PBX3: variants seen among roughly 807,000 people sequenced by gnomAD.
The protein encoded by PBX3 is PBX homeobox 3.
A neutral mutation model predicts 48.5 loss-of-function variants in PBX3; 14 were observed. The ratio of observed to expected loss-of-function variants is 0.29; its 90% confidence interval spans 0.19 to 0.45. PBX3 has a LOEUF of 0.45. PBX3 is among the 20% of genes least tolerant of loss of function. The pLI, the probability that PBX3 is intolerant of heterozygous loss-of-function variation, is 1.00. For synonymous variants in PBX3, 210 were observed against 200.3 expected, an observed-to-expected ratio of 1.05 and a Z score of -0.41; for missense variants, 386 against 546.7, an observed-to-expected ratio of 0.71 and a Z score of 2.93.
At chr9:125,882,455 T>C (rs1840404430) in intron 2 of PBX3, among the ~76,000 whole-genome samples, 1 of 152,236 alleles carries the variant, frequency 6.6e-6, no homozygotes, top group African/African-American at 2.4e-5. Flanking sequence ...TCTGGTTTTG[T>C]AGTTTCAGCT....
chr9:125,962,010 T>G lies in PBX3; in HGVS notation c.1010-92T>G, dbSNP rs1842439582. The G allele has an allele frequency of 6.1e-6, 4 of 658,968 alleles. No individual in the cohort carries two copies. The African/African-American group carries it at 7.2e-5, about 12-fold the overall frequency. 40.8% of individuals were successfully genotyped at this position (658,968 alleles called of 1,614,324 possible). A position where few individuals can be genotyped will look rare whatever the true frequency, so the allele number is the denominator to read the frequency against. On this transcript the variant is annotated intron_variant, in intron 6 of 8. Coordinates refer to ENST00000373489, the MANE Select transcript of PBX3 (RefSeq NM_006195.6). The stretch of plus-strand genomic sequence containing the variant: ...TTTATGTTGTGCACAGCCTTTCCCT[T>G]CTGTACTTTTTCTCATCTCCCTGCC...
intron 2 of PBX3, among the ~76,000 whole-genome samples, chr9:125,775,460 G>A (rs1837048018): frequency 6.6e-6 from 1 of 152,182 alleles, no homozygotes; most frequent in Admixed American, 6.5e-5. Context: ...TCTTTTGGAT[G>A]TAGATATTCA....
At chr9:125,904,286 G>A (rs374512542) in intron 2 of PBX3, among the ~76,000 whole-genome samples, 37 of 151,658 alleles carry the variant, frequency 2.4e-4, no homozygotes, top group African/African-American at 4.4e-4. Context: ...TTTTCCATTC[G>A]TCTAACCTTG....
chr9:125,818,285 CTTAAG>C (rs1453140582), intron 2 of PBX3, among the ~76,000 whole-genome samples: 6 of 151,082 alleles, frequency 4.0e-5, no homozygotes, highest in Admixed American at 3.3e-4. Context: ...ACATTTCTTA[CTTAAG>C]TTATGAAGTT....
intron 2 of PBX3, among the ~76,000 whole-genome samples, chr9:125,802,880 T>G (rs1317295262): frequency 6.6e-6 from 1 of 151,968 alleles, no homozygotes; most frequent in Non-Finnish European, 1.5e-5. Context: ...GGTTTCCCCA[T>G]ATCGGTCAAA....
At chr9:125,955,850 G>A (rs1225150729) in intron 5 of PBX3, among the ~76,000 whole-genome samples, 2 of 152,198 alleles carry the variant, frequency 1.3e-5, no homozygotes, top group Admixed American at 6.5e-5. Context: ...TAACCAGATT[G>A]TAAAGTCCAG....
At chr9:125,827,837 G>T (rs977843206) in intron 2 of PBX3, among the ~76,000 whole-genome samples, 16 of 152,256 alleles carry the variant, frequency 1.1e-4, no homozygotes, top group African/African-American at 3.8e-4. Context: ...TAGGAATAGA[G>T]TTGTTGGGTT....
chr9:125,842,524 A>C (rs1839316013), intron 2 of PBX3, among the ~76,000 whole-genome samples: 1 of 152,206 alleles, frequency 6.6e-6, no homozygotes, highest in Admixed American at 6.6e-5. Flanking sequence ...TCAGTTAAAA[A>C]AATGTTTTTC....
At chr9:125,901,211 G>T (rs1290602582) in intron 2 of PBX3, among the ~76,000 whole-genome samples, 2 of 151,560 alleles carry the variant, frequency 1.3e-5, no homozygotes, top group African/African-American at 2.4e-5. Context: ...AAGGTGGCTG[G>T]TAACAAAAGT....
chr9:125,933,078 C>T (rs1341994926), intron 4 of PBX3, among the ~76,000 whole-genome samples: 1 of 152,172 alleles, frequency 6.6e-6, no homozygotes. Context: ...AAATAAATAA[C>T]GTATAAGACC....
intron 5 of PBX3, among the ~76,000 whole-genome samples, chr9:125,952,377 G>A (rs1588334490): frequency 6.6e-6 from 1 of 152,096 alleles, no homozygotes; most frequent in African/African-American, 2.4e-5. Flanking sequence ...TCTTGGAGGC[G>A]GCCTTTAAGT....
At chr9:125,811,614 C>T (rs1187470057) in intron 2 of PBX3, among the ~76,000 whole-genome samples, 1 of 152,168 alleles carries the variant, frequency 6.6e-6, no homozygotes, top group Admixed American at 6.5e-5. Context: ...GTCAATTAAA[C>T]CTCTTTTCTT....
intron 2 of PBX3, among the ~76,000 whole-genome samples, chr9:125,845,991 G>T (rs1839417981): frequency 6.6e-6 from 1 of 152,014 alleles, no homozygotes; most frequent in African/African-American, 2.4e-5. Context: ...ATGATTCACT[G>T]AATTAGTTTT....
chr9:125,907,335 T>G (rs894119171), intron 2 of PBX3, among the ~76,000 whole-genome samples: 1 of 152,056 alleles, frequency 6.6e-6, no homozygotes, highest in Non-Finnish European at 1.5e-5. Flanking sequence ...TATGAGAAAT[T>G]AGATAAACAT....
intron 3 of PBX3, among the ~76,000 whole-genome samples, chr9:125,917,114 A>G (rs1168400557): frequency 1.3e-5 from 2 of 152,188 alleles, no homozygotes; most frequent in Non-Finnish European, 2.9e-5. Flanking sequence ...AATTTCACCC[A>G]TGAGTATTTC....
intron 3 of PBX3, among the ~76,000 whole-genome samples, chr9:125,920,553 C>G (rs999122439): frequency 6.6e-6 from 1 of 152,210 alleles, no homozygotes; most frequent in African/African-American, 2.4e-5. Context: ...AGCTCTCCCA[C>G]TTTGCTTGTG....
At chr9:125,904,749 C>G (rs1185890134) in intron 2 of PBX3, among the ~76,000 whole-genome samples, 1 of 151,880 alleles carries the variant, frequency 6.6e-6, no homozygotes, top group African/African-American at 2.4e-5. Flanking sequence ...GGGTATCAGT[C>G]AGCAGAATTA....
In PBX3 at chr9:125,953,466, G is replaced by A. The variant is rs1842234446; in HGVS notation, c.844-7218G>A. 2.5e-5 allele frequency among the ~76,000 whole-genome samples: 3 copies of A among 118,854 alleles called. No individual in the cohort carries two copies. The Admixed American group carries it at 2.8e-4, about 11-fold the overall frequency. 78.0% of individuals were successfully genotyped at this position (118,854 alleles called of 152,430 possible). A position where few individuals can be genotyped will look rare whatever the true frequency, so the allele number is the denominator to read the frequency against. On this transcript the variant is annotated intron_variant, in intron 5 of 8. Coordinates refer to ENST00000373489, the MANE Select transcript of PBX3 (RefSeq NM_006195.6). ...CACTTCAGCCTGCGCAACAGAGCGAGACCCTGTCTCAAAAAAAAAAAAAGT... is the reference window on the plus strand; with the variant it reads ...CACTTCAGCCTGCGCAACAGAGCGAAACCCTGTCTCAAAAAAAAAAAAAGT...
In PBX3 at chr9:125,811,679, A is replaced by G. The variant is rs547014726; in HGVS notation, c.274+63056A>G. On this transcript the variant is annotated intron_variant, in intron 2 of 8. Coordinates refer to ENST00000373489, the MANE Select transcript of PBX3 (RefSeq NM_006195.6). ...CATAGCAGCATGAGAATGGACTAAT[A>G]CAGGCTGCCTACAGATTTAGTGTAT... 3.9e-5 allele frequency among the ~76,000 whole-genome samples: 6 copies of G among 152,292 alleles called. No homozygotes were observed. The East Asian group carries it at 1.2e-3, about 29-fold the overall frequency.
Sources: allele counts gnomAD v4.1 joint callset (sites outside exome capture counted in the v4.1 genomes callset), GRCh38; gene constraint gnomAD v4.1.1; transcripts MANE v1.5; gene names NCBI Gene and HGNC (gene_info 2026-07-23, HGNC 2026-07-21).